Variants in AMZ1 observed in about 807,000 individuals in gnomAD.
AMZ1 encodes archaemetzincin-1.
AMZ1 carries 39 observed loss-of-function variants against 29.9 expected under a neutral mutation model. That is an observed-to-expected ratio of 1.30 (90% CI 1.01 to 1.70). The LOEUF (loss-of-function observed/expected upper bound fraction) is 1.70, where lower values mean the gene tolerates loss of function less well. AMZ1 is among the 40% of genes most tolerant of loss of function. AMZ1 has a pLI of 0.00. For missense variants in AMZ1, 1,041 were observed against 680.6 expected (o/e 1.53, Z -5.89); for synonymous variants, 458 against 304.0 (o/e 1.51, Z -5.27).
At chr7:2,688,572 C>A (rs566879555) in intron 1 of AMZ1, among the ~76,000 whole-genome samples, 1 of 152,216 alleles carries the variant, frequency 6.6e-6, no homozygotes, top group Non-Finnish European at 1.5e-5. Flanking sequence ...GCCCCCTCCC[C>A]GCCATCCTCT....
chr7:2,718,170 C>T lies in AMZ1; in HGVS notation c.*5292C>T, dbSNP rs1304141324. Among the ~76,000 whole-genome samples, 3 of 152,208 alleles carry T rather than the reference C, an allele frequency of 2.0e-5. No individual in the cohort carries two copies. Among genetic ancestry groups the T allele is most frequent in the Admixed American group, 6.5e-5 (1 of 15,286 alleles). ...CTCCCTGGGCTTTTTAATGAACGCA[C>T]TTCTGTCACATGGAAACTGAGCCCG... On this transcript the variant is annotated 3_prime_UTR_variant, in exon 7 of 7. Coordinates refer to ENST00000683327, the MANE Select transcript of AMZ1 (RefSeq NM_001384743.1).
chr7:2,736,647 G>A (rs1054351696), intron 4 of AMZ1, among the ~76,000 whole-genome samples: 16 of 152,190 alleles, frequency 1.1e-4, no homozygotes, highest in African/African-American at 3.1e-4. Context: ...GCCGACACAC[G>A]CCCATGAGGA....
chr7:2,737,333 G>T (rs561186933), intron 4 of AMZ1, among the ~76,000 whole-genome samples: 1 of 121,994 alleles, frequency 8.2e-6, no homozygotes, highest in African/African-American at 3.1e-5. Flanking sequence ...CTGTCGCCCC[G>T]GCTGGAGTGC....
chr7:2,730,681 T>C (rs1418373214), intron 4 of AMZ1: 1 of 153,912 alleles, frequency 6.5e-6, no homozygotes, highest in African/African-American at 2.4e-5. Context: ...GCACTGAGTT[T>C]AGCAGCATCG....
intron 4 of AMZ1, among the ~76,000 whole-genome samples, chr7:2,741,799 G>A (rs188309523): frequency 1.1e-4 from 17 of 150,950 alleles, no homozygotes; most frequent in Non-Finnish European, 2.2e-4. Flanking sequence ...CTACAACCAC[G>A]GCAACTTCAG....
chr7:2,694,170 C>T (rs999436376), intron 1 of AMZ1, among the ~76,000 whole-genome samples: 2 of 152,206 alleles, frequency 1.3e-5, no homozygotes, highest in African/African-American at 4.8e-5. Context: ...AGGTGGACTG[C>T]CCTCCCCAAG....
Position 2,708,586 on chromosome 7 carries a change from A to G in AMZ1, c.473-2A>G. On this transcript the variant is annotated splice_acceptor_variant, in intron 3 of 6. Transcript: ENST00000683327. LOFTEE classifies it high-confidence loss of function. ...CCCCATCCTCTGGCCCTCTCCCCGC[A>G]GACGGCATCCTGTCCTTCTTGAAGA... is the stretch of plus-strand genomic sequence containing the variant. 1 of 1,612,268 alleles carries G rather than the reference A, an allele frequency of 6.2e-7. No homozygotes were observed.
chr7:2,762,772 C>G, upstream of AMZ1: 2 of 1,546,950 alleles, frequency 1.3e-6, no homozygotes, highest in Non-Finnish European at 1.7e-6. Context: ...TCCTTTCCAC[C>G]CAGGCTGTAC....
Position 2,735,827 on chromosome 7 carries a change from G to A in AMZ1, n.550+26011G>A, listed in dbSNP as rs115399676. ...CGAGAAACAGCCCAGGGGGTCCGTG[G>A]GAAAGCTGCCACTGAACTGTAAGGT... On this transcript the variant is annotated intron_variant and non_coding_transcript_variant, in intron 4 of 4. Transcript: ENST00000489665. Among the ~76,000 whole-genome samples the A allele has an allele frequency of 6.2e-4, 95 of 152,294 alleles. 1 individual carries two copies. Among genetic ancestry groups the A allele is most frequent in the African/African-American group, 1.9e-3 (79 of 41,548 alleles).
At position 2,740,767 on chromosome 7, in the gene AMZ1, C is replaced by T. The variant is rs139952205; in HGVS notation, n.551-23945C>T. ...CCCTTAAAACTACAGATTTAGGGCT[C>T]GCCGCGGTGACTCATGCCTATAATC... On this transcript the variant is annotated intron_variant and non_coding_transcript_variant, in intron 4 of 4. Transcript: ENST00000489665. Among the ~76,000 whole-genome samples, 705 of 152,220 alleles carry T rather than the reference C, an allele frequency of 4.6e-3. 8 individuals carry two copies. The highest frequency in any genetic ancestry group is 0.016 in the African/African-American group (658 of 41,534).
chr7:2,760,625 C>T (rs1791510437), upstream of AMZ1, among the ~76,000 whole-genome samples: 1 of 152,234 alleles, frequency 6.6e-6, no homozygotes, highest in East Asian at 1.9e-4. Flanking sequence ...CCACACACAT[C>T]CCTCAAGCAG....
chr7:2,706,228 C>A (rs189709661), intron 3 of AMZ1, among the ~76,000 whole-genome samples: 6 of 152,170 alleles, frequency 3.9e-5, no homozygotes, highest in Non-Finnish European at 8.8e-5. Context: ...CAGGCTCAAG[C>A]GCAGTGGTGC....
rs189153119 is a variant in AMZ1 at position 2,681,334 on chromosome 7, C to T, written c.-219+1663C>T. Among the ~76,000 whole-genome samples, 79 of 152,264 alleles carry T rather than the reference C, an allele frequency of 5.2e-4. 1 individual carries two copies. The South Asian group carries it at 8.5e-3, about 16-fold the overall frequency. The stretch of plus-strand genomic sequence containing the variant: ...ACCTCCCCGGCCTCTGGTGATCCTC[C>T]CACCTCAGCCTCCTAGGTGCATGCC... On this transcript the variant is annotated intron_variant, in intron 1 of 6. Coordinates refer to the AMZ1 transcript ENST00000312371.
chr7:2,723,708 G>A (rs555492240), downstream of AMZ1, among the ~76,000 whole-genome samples: 1 of 152,364 alleles, frequency 6.6e-6, no homozygotes, highest in South Asian at 2.1e-4. Flanking sequence ...GTTGCAGACA[G>A]CAACGATGGA....
chr7:2,706,945 C>G (rs1371033386), intron 3 of AMZ1, among the ~76,000 whole-genome samples: 1 of 151,828 alleles, frequency 6.6e-6, no homozygotes, highest in Non-Finnish European at 1.5e-5. Context: ...TGTGATTGTA[C>G]TCCAGCCTGG....
intron 1 of AMZ1, among the ~76,000 whole-genome samples, chr7:2,688,841 G>A (rs1787212185): frequency 6.6e-6 from 1 of 152,234 alleles, no homozygotes; most frequent in African/African-American, 2.4e-5. Flanking sequence ...ATCCCTGCAG[G>A]GATGTAAGAC....
chr7:2,702,807 G>T lies in AMZ1; in HGVS notation c.390G>T (p.Lys130Asn), dbSNP rs760776024. ...TEAFFLGLRVKCLPSVAAASI... is the reference protein window; with the variant it reads ...TEAFFLGLRVNCLPSVAAASI... Reference sequence around the variant, plus strand: ...CCTTCTTCCTGGGCCTGCGCGTCAAGTGCCTGCCGTCGGTGGCAGCCGCGT... The same window carrying T: ...CCTTCTTCCTGGGCCTGCGCGTCAATTGCCTGCCGTCGGTGGCAGCCGCGT... The change falls in exon 3 of 7, where the codon AAG (lysine) becomes AAT (asparagine). Residue 130 changes from lysine to asparagine, a missense_variant. Transcript: ENST00000683327. 1.3e-6 allele frequency: 2 copies of T among 1,550,952 alleles called. No homozygotes were observed. Among genetic ancestry groups the T allele is most frequent in the Admixed American group, 3.8e-5 (2 of 52,414 alleles).
Position 2,712,502 on chromosome 7 carries a change from G to T in AMZ1, c.1121G>T (p.Ser374Ile). Reference protein sequence around the residue: ...VSEPLTPDAGSHTFASGPEEG... With the variant: ...VSEPLTPDAGIHTFASGPEEG... ...GAGCCCCTCACCCCTGATGCCGGGAGTCACACCTTCGCCTCGGGGCCAGAG... is the reference window on the plus strand; with the variant it reads ...GAGCCCCTCACCCCTGATGCCGGGATTCACACCTTCGCCTCGGGGCCAGAG... The change falls in exon 7 of 7, where the codon AGT becomes ATT. Residue 374 changes from serine (S) to isoleucine (I), a missense_variant. Coordinates refer to ENST00000683327, the MANE Select transcript of AMZ1 (RefSeq NM_001384743.1). The T allele has an allele frequency of 6.2e-7, 1 of 1,609,208 alleles. No individual in the cohort carries two copies.
intron 1 of AMZ1, among the ~76,000 whole-genome samples, chr7:2,692,292 A>C (rs566940367): frequency 6.6e-6 from 1 of 151,998 alleles, no homozygotes; most frequent in Non-Finnish European, 1.5e-5. Flanking sequence ...TGTAATCCCA[A>C]CACTCTGGGA....
Sources: gnomAD v4.1 joint callset for allele counts (sites outside exome capture counted in the v4.1 genomes callset) on GRCh38, gnomAD v4.1.1 for gene constraint, MANE v1.5 for transcripts, NCBI Gene and HGNC (gene_info 2026-07-23, HGNC 2026-07-21) for gene names.